Variants in CEP112 observed in about 807,000 individuals in gnomAD.
The protein encoded by CEP112 is centrosomal protein 112.
CEP112 carries 127 observed loss-of-function variants against 153.0 expected under a neutral mutation model. The ratio of observed to expected loss-of-function variants is 0.83; its 90% CI spans 0.72 to 0.96. The LOEUF (loss-of-function observed/expected upper bound fraction) is 0.96, where lower values mean the gene tolerates loss of function less well. Among genes scored for constraint, CEP112 ranks in the 40% least tolerant of loss-of-function variants. The pLI, the probability that CEP112 is intolerant of heterozygous loss-of-function variation, is 0.00. For missense variants in CEP112, 1,089 were observed against 1,101.2 expected, an observed-to-expected ratio of 0.99 and a Z score of 0.16; for synonymous variants, 358 against 374.4, an observed-to-expected ratio of 0.96 and a Z score of 0.51.
At chr17:66,051,541 T>TAA (rs2066441250) in intron 12 of CEP112, among the ~76,000 whole-genome samples, 2 of 152,116 alleles carry the variant, frequency 1.3e-5, no homozygotes, top group South Asian at 4.1e-4. Context: ...GAGTTGGAAT[T>TAA]TGAACCCACA....
chr17:65,681,450 T>C (rs929819302), intron 24 of CEP112, among the ~76,000 whole-genome samples: 2 of 151,604 alleles, frequency 1.3e-5, no homozygotes, highest in African/African-American at 2.4e-5. Flanking sequence ...GACTCTGACA[T>C]GCTTAAAGTC....
intron 16 of CEP112, among the ~76,000 whole-genome samples, chr17:66,014,848 C>T (rs552972553): frequency 6.6e-6 from 1 of 152,184 alleles, no homozygotes; most frequent in African/African-American, 2.4e-5. Flanking sequence ...TGCCAGTCTT[C>T]CCAATGTCCT....
intron 20 of CEP112, among the ~76,000 whole-genome samples, chr17:65,857,447 G>A (rs940727691): frequency 6.6e-6 from 1 of 152,098 alleles, no homozygotes; most frequent in Non-Finnish European, 1.5e-5. Context: ...TCTTGATACT[G>A]ATGGCTTGCT....
chr17:65,750,609 G>T, intron 22 of CEP112, 53 bp downstream of exon 22: 4 of 1,475,358 alleles, frequency 2.7e-6, no homozygotes, highest in Non-Finnish European at 3.8e-6. Flanking sequence ...TTATGTGGAG[G>T]TTTCATTTTT....
intron 19 of CEP112, among the ~76,000 whole-genome samples, chr17:65,918,179 CAAAAAA>C (rs55755336): frequency 8.5e-6 from 1 of 117,058 alleles, no homozygotes; most frequent in African/African-American, 3.2e-5. Context: ...GACTCTGTCT[CAAAAAA>C]AAAAAAAAAT....
chr17:65,659,015 CAAAAAAAAAAA>C (rs777326885), intron 24 of CEP112, among the ~76,000 whole-genome samples: 3,226 of 55,614 alleles, frequency 0.058, 216 homozygotes, highest in African/African-American at 0.18. Context: ...GACTCTGTCT[CAAAAAAAAAAA>C]AAAAAAAAAA....
intron 17 of CEP112, among the ~76,000 whole-genome samples, chr17:65,988,686 T>C (rs1238910309): frequency 6.6e-6 from 1 of 152,076 alleles, no homozygotes; most frequent in Non-Finnish European, 1.5e-5. Context: ...TGAAAGAACC[T>C]GTGAGCTTGA....
intron 24 of CEP112, among the ~76,000 whole-genome samples, chr17:65,641,298 A>G (rs1261225200): frequency 6.6e-6 from 1 of 152,184 alleles, no homozygotes; most frequent in East Asian, 1.9e-4. Flanking sequence ...TTTATTTAAA[A>G]TCCTCATGAA....
chr17:66,165,082 G>A (rs1367456496), intron 4 of CEP112, among the ~76,000 whole-genome samples: 3 of 150,856 alleles, frequency 2.0e-5, no homozygotes, highest in African/African-American at 7.3e-5. Flanking sequence ...CCATGTGGCA[G>A]AGCCAGTTTC....
chr17:65,820,338 T>G (rs551007722), intron 21 of CEP112, among the ~76,000 whole-genome samples: 1 of 152,148 alleles, frequency 6.6e-6, no homozygotes, highest in South Asian at 2.1e-4. Flanking sequence ...AAAGTAGAAG[T>G]TTACCATGCA....
In CEP112 at chr17:66,022,298, G is replaced by A. The variant is rs568482209; in HGVS notation, c.1656+5203C>T. ...AAACTAAGAAGTTACTATTTCTCCA[G>A]ATGTGAATAAATCACCATAATAATA... On this transcript the variant is annotated intron_variant, in intron 16 of 26. Coordinates refer to ENST00000535342, the MANE Select transcript of CEP112 (RefSeq NM_001199165.4). 1.7e-3 allele frequency among the ~76,000 whole-genome samples: 259 copies of A among 152,260 alleles called. 1 individual carries two copies. Among genetic ancestry groups the A allele is most frequent in the Admixed American group, 3.3e-3 (51 of 15,296 alleles).
At chr17:65,976,250 C>T (rs1056488721) in intron 17 of CEP112, among the ~76,000 whole-genome samples, 3 of 152,352 alleles carry the variant, frequency 2.0e-5, no homozygotes, top group South Asian at 2.1e-4. Context: ...GATTCCCAAC[C>T]TTCACCTGGC....
chr17:66,181,242 G>A (rs1347970992), intron 2 of CEP112, among the ~76,000 whole-genome samples: 3 of 152,110 alleles, frequency 2.0e-5, no homozygotes, highest in Non-Finnish European at 4.4e-5. Flanking sequence ...GTGAGTTTCA[G>A]ATTGCTTATT....
chr17:65,803,572 C>T (rs1231329152), intron 21 of CEP112, among the ~76,000 whole-genome samples: 1 of 152,120 alleles, frequency 6.6e-6, no homozygotes, highest in African/African-American at 2.4e-5. Flanking sequence ...TCTCCAAATA[C>T]CTTAGGTGTT....
chr17:65,785,687 T>C (rs780919688), intron 21 of CEP112, among the ~76,000 whole-genome samples: 2 of 152,236 alleles, frequency 1.3e-5, no homozygotes, highest in Non-Finnish European at 2.9e-5. Flanking sequence ...ATCTAAGAAT[T>C]CTTTGCCTAA....
rs559234933 is a variant in CEP112, at chr17:65,767,025, G to A, written c.2395-16301C>T. On this transcript the variant is annotated intron_variant, in intron 21 of 26. Transcript: ENST00000535342. The stretch of plus-strand genomic sequence containing the variant: ...AAATTAAAAGGGAAATACTGACATT[G>A]AATTGTGCTTTAGACAAAATGGGCT... Among the ~76,000 whole-genome samples the A allele has an allele frequency of 3.9e-4, 60 of 152,112 alleles. 1 individual carries two copies. The highest frequency in any genetic ancestry group is 3.4e-3 in the Middle Eastern group (1 of 294).
intron 4 of CEP112, among the ~76,000 whole-genome samples, chr17:66,139,183 A>G (rs996652147): frequency 1.6e-4 from 25 of 152,310 alleles, no homozygotes; most frequent in Non-Finnish European, 2.4e-4. Context: ...TGAAACTAAG[A>G]GTTGATTTAT....
chr17:65,804,381 CTAAT>C (rs553621276), intron 21 of CEP112: 32 of 152,228 alleles, frequency 2.1e-4, no homozygotes, highest in Admixed American at 6.5e-4. Context: ...ATGAATACAT[CTAAT>C]TACTCACTCA....
intron 21 of CEP112, among the ~76,000 whole-genome samples, chr17:65,760,772 G>T (rs867957587): frequency 6.6e-6 from 1 of 151,994 alleles, no homozygotes; most frequent in African/African-American, 2.4e-5. Flanking sequence ...GGATGAGTTA[G>T]GAATTATTTC....
Sources: allele counts gnomAD v4.1 joint callset (sites outside exome capture counted in the v4.1 genomes callset), GRCh38; gene constraint gnomAD v4.1.1; transcripts MANE v1.5; gene names NCBI Gene and HGNC (gene_info 2026-07-23, HGNC 2026-07-21).